PTPRD: variants seen among roughly 807,000 people sequenced by gnomAD.
PTPRD encodes protein tyrosine phosphatase receptor type D, also known as receptor-type tyrosine-protein phosphatase delta.
In PTPRD, 34 loss-of-function variants were observed where a neutral mutation model predicts 214.5. That is an observed-to-expected ratio of 0.16 (90% CI 0.12 to 0.21). The LOEUF (loss-of-function observed/expected upper bound fraction) is 0.21, where lower values mean the gene tolerates loss of function less well. PTPRD is among the 10% of genes least tolerant of loss of function. The probability of loss-of-function intolerance (pLI) is 1.00; values close to 1 mark genes in which losing one functional copy is unlikely to be tolerated. For missense variants in PTPRD, 2,545 were observed against 2,398.7 expected, an observed-to-expected ratio of 1.06 and a Z score of -1.27; for synonymous variants, 1,128 against 845.7, an observed-to-expected ratio of 1.33 and a Z score of -5.79.
chr9:9,610,684 A>G (rs1015143557), intron 7 of PTPRD, among the ~76,000 whole-genome samples: 27 of 152,332 alleles, frequency 1.8e-4, no homozygotes, highest in African/African-American at 6.3e-4. Context: ...TTATGAAGAC[A>G]GTATTGGTTA....
chr9:9,320,453 G>T (rs557356214), intron 9 of PTPRD, among the ~76,000 whole-genome samples: 1 of 152,282 alleles, frequency 6.6e-6, no homozygotes, highest in African/African-American at 2.4e-5. Flanking sequence ...TTAAAATAAA[G>T]TAAGGAAGAA....
chr9:9,791,785 G>T (rs544779240), intron 5 of PTPRD, among the ~76,000 whole-genome samples: 15 of 152,020 alleles, frequency 9.9e-5, no homozygotes, highest in Admixed American at 2.0e-4. Flanking sequence ...TACAAAAATC[G>T]AGAAATCATT....
intron 7 of PTPRD, among the ~76,000 whole-genome samples, chr9:9,580,705 T>G (rs1192562712): frequency 6.6e-6 from 1 of 151,748 alleles, no homozygotes. Context: ...CCTACCACCA[T>G]GCCTGCCTAA....
At chr9:8,734,085 A>G in intron 11 of PTPRD, 139 bp from the exon 12 acceptor site, 1 of 556,286 alleles carries the variant, frequency 1.8e-6, no homozygotes, top group East Asian at 3.0e-5. Context: ...TGTAACTGTC[A>G]TACTTTGTTT....
chr9:9,650,578 T>C (rs1040604701), intron 7 of PTPRD, among the ~76,000 whole-genome samples: 20 of 152,250 alleles, frequency 1.3e-4, no homozygotes, highest in Non-Finnish European at 2.8e-4. Flanking sequence ...CCTCATTATA[T>C]GAACATATGG....
At chr9:9,742,886 T>C (rs2098418627) in intron 6 of PTPRD, among the ~76,000 whole-genome samples, 1 of 152,212 alleles carries the variant, frequency 6.6e-6, no homozygotes, top group Non-Finnish European at 1.5e-5. Context: ...ATTGTTGTTA[T>C]GCATACTCAT....
chr9:8,607,882 T>G (rs1332246217), intron 14 of PTPRD, among the ~76,000 whole-genome samples: 18 of 152,200 alleles, frequency 1.2e-4, no homozygotes, highest in Admixed American at 1.2e-3. Flanking sequence ...GGGATGTTTT[T>G]ACATTATGGT....
rs148991901 is a variant in PTPRD at position 9,401,685 on chromosome 9, T to C, written c.-236-4203A>G. On this transcript the variant is annotated intron_variant, in intron 8 of 45. Transcript: ENST00000381196. ...TTTCTACGTACCCACCGGAATCGCATCTTGAATTGTAGTGCCCATAATCCC... is the reference window on the plus strand; with the variant it reads ...TTTCTACGTACCCACCGGAATCGCACCTTGAATTGTAGTGCCCATAATCCC... 3.6e-3 allele frequency among the ~76,000 whole-genome samples: 545 copies of C among 152,020 alleles called. 4 individuals carry two copies. The highest frequency in any genetic ancestry group is 0.013 in the African/African-American group (519 of 41,492).
At chr9:9,851,586 T>C (rs954946940) in intron 5 of PTPRD, among the ~76,000 whole-genome samples, 1 of 152,238 alleles carries the variant, frequency 6.6e-6, no homozygotes, top group African/African-American at 2.4e-5. Flanking sequence ...CAGGTACTTT[T>C]GTAGGATGTA....
At chr9:9,794,159 G>A (rs10115944) in intron 5 of PTPRD, among the ~76,000 whole-genome samples, 1,305 of 46,188 alleles carry the variant, frequency 0.028, 13 homozygotes, top group African/African-American at 0.058. Flanking sequence ...ATATGTACAT[G>A]TATATATATA....
intron 3 of PTPRD, among the ~76,000 whole-genome samples, chr9:10,127,276 G>C (rs2098827004): frequency 6.6e-6 from 1 of 152,106 alleles, no homozygotes; most frequent in South Asian, 2.1e-4. Flanking sequence ...TGATTCCTCT[G>C]TCTGTAATGG....
At chr9:9,004,088 T>C (rs1349367723) in intron 11 of PTPRD, among the ~76,000 whole-genome samples, 1 of 152,064 alleles carries the variant, frequency 6.6e-6, no homozygotes, top group Non-Finnish European at 1.5e-5. Flanking sequence ...TCACAGACTC[T>C]AACCCCTTAT....
chr9:9,835,259 G>A (rs560619551), intron 5 of PTPRD, among the ~76,000 whole-genome samples: 1 of 152,128 alleles, frequency 6.6e-6, no homozygotes, highest in East Asian at 1.9e-4. Context: ...GGCCACTTGT[G>A]CCTCTGCCAT....
intron 2 of PTPRD, among the ~76,000 whole-genome samples, chr9:10,426,032 T>A (rs2154518877): frequency 6.6e-6 from 1 of 152,128 alleles, no homozygotes. Context: ...AATACCACTC[T>A]ATAAAAATGT....
chr9:9,155,593 C>T (rs978694051), intron 10 of PTPRD, among the ~76,000 whole-genome samples: 19 of 152,104 alleles, frequency 1.2e-4, no homozygotes, highest in African/African-American at 4.6e-4. Flanking sequence ...ATTTCTAGCC[C>T]AGATGCTCTA....
chr9:10,020,347 G>A (rs2096825025), intron 4 of PTPRD, among the ~76,000 whole-genome samples: 1 of 150,328 alleles, frequency 6.7e-6, no homozygotes, highest in African/African-American at 2.5e-5. Flanking sequence ...CTGTCACCAG[G>A]CTGGAGTGCA....
At chr9:10,413,539 C>A (rs535039130) in intron 2 of PTPRD, among the ~76,000 whole-genome samples, 13 of 152,036 alleles carry the variant, frequency 8.6e-5, no homozygotes, top group African/African-American at 3.1e-4. Context: ...CTGCCCAAAG[C>A]AATTTACAGA....
In PTPRD at chr9:8,708,243, G is replaced by T. The variant is rs547408736; in HGVS notation, c.64+25537C>A. Among the ~76,000 whole-genome samples, 5 of 152,300 alleles carry T rather than the reference G, an allele frequency of 3.3e-5. No homozygotes were observed. In the South Asian group the frequency reaches 1.0e-3, roughly 32 times the overall value. The stretch of plus-strand genomic sequence containing the variant: ...ATTTAATATCACCTCATGTCTGTTA[G>T]AGTGGTTGTTATCAAATAACAAAAG... On this transcript the variant is annotated intron_variant, in intron 12 of 45. Coordinates refer to ENST00000381196, the MANE Select transcript of PTPRD (RefSeq NM_002839.4).
At chr9:8,347,268 C>T (rs2074110358) in intron 39 of PTPRD, among the ~76,000 whole-genome samples, 1 of 152,086 alleles carries the variant, frequency 6.6e-6, no homozygotes, top group Non-Finnish European at 1.5e-5. Context: ...GCTAAAGCAT[C>T]CATTCCCACC....
Sources: gnomAD v4.1 joint callset for allele counts (sites outside exome capture counted in the v4.1 genomes callset) on GRCh38, gnomAD v4.1.1 for gene constraint, MANE v1.5 for transcripts, NCBI Gene and HGNC (gene_info 2026-07-23, HGNC 2026-07-21) for gene names.